The following GABRB1 variants were observed in gnomAD, a reference collection of about 807,000 sequenced individuals.
GABRB1 encodes the protein gamma-aminobutyric acid type A receptor subunit beta1.
A neutral mutation model predicts 51.6 loss-of-function variants in GABRB1; 17 were observed. That is an observed-to-expected ratio of 0.33 (90% CI 0.23 to 0.49). GABRB1 has a LOEUF of 0.49. Among genes scored for constraint, GABRB1 ranks in the 20% least tolerant of loss-of-function variants. The probability of loss-of-function intolerance (pLI) is 0.99; values close to 1 mark genes in which losing one functional copy is unlikely to be tolerated. For synonymous variants in GABRB1, 247 were observed against 218.9 expected, an observed-to-expected ratio of 1.13 and a Z score of -1.14; for missense variants, 410 against 600.6, an observed-to-expected ratio of 0.68 and a Z score of 3.32.
At chr4:47,364,649 A>T (rs145423113) in intron 5 of GABRB1, among the ~76,000 whole-genome samples, 51 of 151,922 alleles carry the variant, frequency 3.4e-4, no homozygotes, top group Non-Finnish European at 6.3e-4. Flanking sequence ...TGAAAGAAGG[A>T]TGAAAGATTA....
At chr4:47,110,362 C>T (rs1715165162) in intron 3 of GABRB1, among the ~76,000 whole-genome samples, 1 of 152,058 alleles carries the variant, frequency 6.6e-6, no homozygotes, top group Non-Finnish European at 1.5e-5. Context: ...GTGGTGCTAA[C>T]TTCATTTTTC....
At chr4:47,086,548 T>C (rs1728086057) in intron 3 of GABRB1, among the ~76,000 whole-genome samples, 1 of 152,222 alleles carries the variant, frequency 6.6e-6, no homozygotes. Flanking sequence ...TCAATTAATC[T>C]GAACTTAGAA....
chr4:47,395,766 C>T (rs941869974), intron 5 of GABRB1, among the ~76,000 whole-genome samples: 3 of 152,108 alleles, frequency 2.0e-5, no homozygotes, highest in Admixed American at 2.0e-4. Context: ...TCTTCCTAGT[C>T]CCCCCAAAAG....
intron 5 of GABRB1, among the ~76,000 whole-genome samples, chr4:47,321,400 A>G (rs897589310): frequency 3.9e-5 from 6 of 152,326 alleles, no homozygotes; most frequent in Admixed American, 1.3e-4. Flanking sequence ...TTACAAGTTT[A>G]CACATAGACA....
At chr4:47,238,776 G>A (rs778657474) in intron 4 of GABRB1, among the ~76,000 whole-genome samples, 1 of 152,194 alleles carries the variant, frequency 6.6e-6, no homozygotes, top group Non-Finnish European at 1.5e-5. Flanking sequence ...TGTGAATTAT[G>A]ACCATGCTAG....
intron 4 of GABRB1, among the ~76,000 whole-genome samples, chr4:47,249,118 C>G (rs1446323962): frequency 6.6e-6 from 1 of 152,020 alleles, no homozygotes; most frequent in East Asian, 1.9e-4. Context: ...CATTTGTACT[C>G]TTTCAGTCTT....
chr4:47,222,712 C>T (rs1720810256), intron 4 of GABRB1, among the ~76,000 whole-genome samples: 1 of 152,078 alleles, frequency 6.6e-6, no homozygotes, highest in Non-Finnish European at 1.5e-5. Context: ...AATTGCTGAG[C>T]CACAGATTGT....
At chr4:47,130,325 CTGTGTGTGTGTGTG>C (rs67244692) in intron 3 of GABRB1, among the ~76,000 whole-genome samples, 14,724 of 133,642 alleles carry the variant, frequency 0.11, 1,018 homozygotes, top group Admixed American at 0.21. Flanking sequence ...GCTCCAGATA[CTGTGTGTGTGTGTG>C]TGTGTGTGTG....
chr4:47,118,976 A>C (rs1715626159), intron 3 of GABRB1, among the ~76,000 whole-genome samples: 1 of 152,206 alleles, frequency 6.6e-6, no homozygotes. Flanking sequence ...ATAAAAAGTA[A>C]TCCTTCATTT....
At chr4:47,006,465 A>T (rs939922382) in intron 1 of GABRB1, among the ~76,000 whole-genome samples, 2 of 152,200 alleles carry the variant, frequency 1.3e-5, no homozygotes, top group Non-Finnish European at 2.9e-5. Context: ...AGGTACATCT[A>T]TTGCATCTAT....
chr4:47,183,987 A>T (rs1719064130), intron 4 of GABRB1, among the ~76,000 whole-genome samples: 1 of 151,910 alleles, frequency 6.6e-6, no homozygotes, highest in African/African-American at 2.4e-5. Context: ...TTGTTACTCC[A>T]GTTCTTGATC....
chr4:47,354,227 A>T (rs1726468125), intron 5 of GABRB1, among the ~76,000 whole-genome samples: 1 of 152,222 alleles, frequency 6.6e-6, no homozygotes, highest in South Asian at 2.1e-4. Flanking sequence ...ATTCATGACC[A>T]GTTGGTGAGT....
chr4:47,352,799 C>G (rs1337950034), intron 5 of GABRB1, among the ~76,000 whole-genome samples: 3 of 152,118 alleles, frequency 2.0e-5, no homozygotes, highest in Non-Finnish European at 4.4e-5. Context: ...TTGTTTATTT[C>G]TTCATAGTAG....
intron 4 of GABRB1, among the ~76,000 whole-genome samples, chr4:47,295,584 G>A (rs182265865): frequency 0.016 from 2,372 of 152,224 alleles, 54 homozygotes; most frequent in African/African-American, 0.054. Flanking sequence ...AACGAACAAA[G>A]CCTCCAAGAA....
intron 3 of GABRB1, among the ~76,000 whole-genome samples, chr4:47,119,582 C>T (rs571670533): frequency 4.3e-4 from 65 of 151,026 alleles, no homozygotes; most frequent in African/African-American, 1.5e-3. Flanking sequence ...AATCTCAGCT[C>T]ACTGCAACCT....
chr4:47,107,217 T>C (rs1715005828), intron 3 of GABRB1, among the ~76,000 whole-genome samples: 1 of 152,132 alleles, frequency 6.6e-6, no homozygotes, highest in Non-Finnish European at 1.5e-5. Context: ...TTTTTGTTTA[T>C]GATGATCTCT....
At chr4:47,007,897 A>G (rs62303738) in intron 1 of GABRB1, among the ~76,000 whole-genome samples, 98,312 of 123,498 alleles carry the variant, frequency 0.8, 37,290 homozygotes, top group South Asian at 0.86. Flanking sequence ...TATATATAAA[A>G]TCAAGTTTGT....
intron 5 of GABRB1, among the ~76,000 whole-genome samples, chr4:47,363,852 A>G (rs1726888387): frequency 6.6e-6 from 1 of 152,144 alleles, no homozygotes; most frequent in Non-Finnish European, 1.5e-5. Flanking sequence ...TACTGAATAA[A>G]CAGAAGATCA....
chr4:47,309,567 A>T (rs558152361), intron 4 of GABRB1, among the ~76,000 whole-genome samples: 1 of 152,252 alleles, frequency 6.6e-6, no homozygotes, highest in East Asian at 1.9e-4. Flanking sequence ...AAGCATCCTA[A>T]AGAACATTTA....
Sources: gnomAD v4.1 joint callset for allele counts (sites outside exome capture counted in the v4.1 genomes callset) on GRCh38, gnomAD v4.1.1 for gene constraint, MANE v1.5 for transcripts, NCBI Gene and HGNC (gene_info 2026-07-23, HGNC 2026-07-21) for gene names.